The following GPSM3 variants were observed in gnomAD, a reference collection of about 807,000 sequenced individuals.
GPSM3 encodes G protein signaling modulator 3.
In GPSM3, 16 loss-of-function variants were observed where a neutral mutation model predicts 20.4. The ratio of observed to expected loss-of-function variants is 0.78; its 90% CI spans 0.53 to 1.19. The LOEUF (loss-of-function observed/expected upper bound fraction) is 1.19, where lower values mean the gene tolerates loss of function less well. Among genes scored for constraint, GPSM3 ranks in the 50% most tolerant of loss-of-function variants. GPSM3 has a pLI of 0.00. For synonymous variants in GPSM3, 70 were observed against 79.6 expected (o/e 0.88, Z 0.64); for missense variants, 177 against 204.6 (o/e 0.86, Z 0.82).
upstream of GPSM3, chr6:32,192,762 T>C (rs2127454965): frequency 2.5e-6 from 1 of 402,894 alleles, no homozygotes; most frequent in Admixed American, 4.3e-5. This position sits in a 1 kb window ranked among gnomAD's most constrained non-coding sequence, Gnocchi z 5.1. Context: ...AGGGCAGCAC[T>C]GAGACTGGGA....
At position 32,191,498 on chromosome 6, in the gene GPSM3, C is replaced by T. The variant is rs766900301; in HGVS notation, c.351G>A (p.Gln117=). 2.0e-5 allele frequency: 31 copies of T among 1,559,216 alleles called. No homozygotes were observed. The highest frequency in any genetic ancestry group is 2.3e-5 in the Non-Finnish European group (26 of 1,155,018). Residue 117 remains glutamine (Q), a synonymous_variant, in exon 4 of 4, where the codon CAG becomes CAA. Transcript: ENST00000375040. The surrounding 1 kb of genome is among the most constrained non-coding windows in gnomAD (Gnocchi z 5.9). ...LYSTILSHQC[Q]RMEAQRSEPP... Reference sequence around the variant, plus strand: ...GCTCTGACCGCTGGGCTTCCATCCGCTGGCACTGGAGGAGTGGAGGGAGAG... The same window carrying T: ...GCTCTGACCGCTGGGCTTCCATCCGTTGGCACTGGAGGAGTGGAGGGAGAG...
At position 32,191,202 on chromosome 6, in the gene GPSM3, T is replaced by A; in HGVS notation, c.*164A>T. The A allele has an allele frequency of 1.2e-6, 1 of 850,268 alleles. No individual in the cohort carries two copies. Among genetic ancestry groups the A allele is most frequent in the Non-Finnish European group, 1.7e-6 (1 of 575,398 alleles). The allele number at this position is 850,268 out of a possible 1,614,324, so 52.7% of individuals were successfully genotyped here. ...GCCTGTTCCCAGAGTTTGAGGACTTTCACCCTGTCCAGTTCCCAGGGAAGG... is the reference window on the plus strand; with the variant it reads ...GCCTGTTCCCAGAGTTTGAGGACTTACACCCTGTCCAGTTCCCAGGGAAGG... On this transcript the variant is annotated 3_prime_UTR_variant, in exon 4 of 4. Transcript: ENST00000375040. This position sits in a 1 kb window ranked among gnomAD's most constrained non-coding sequence, Gnocchi z 5.9.
upstream of GPSM3, chr6:32,195,388 C>G: frequency 6.6e-7 from 1 of 1,513,336 alleles, no homozygotes; most frequent in South Asian, 1.3e-5. The surrounding 1 kb of genome is among the most constrained non-coding windows in gnomAD (Gnocchi z 5.4). Flanking sequence ...TTCCAGCCTG[C>G]CTTTTAATGG....
chr6:32,194,044 C>T (rs1207885637), upstream of GPSM3, among the ~76,000 whole-genome samples: 1 of 152,216 alleles, frequency 6.6e-6, no homozygotes, highest in Non-Finnish European at 1.5e-5. The surrounding 1 kb of genome is among the most constrained non-coding windows in gnomAD (Gnocchi z 4.5). Flanking sequence ...ATAGCACCTA[C>T]TTCATAGGGT....
At chr6:32,193,574 C>T (rs961688635), upstream of GPSM3, among the ~76,000 whole-genome samples, 2 of 151,996 alleles carry the variant, frequency 1.3e-5, no homozygotes, top group African/African-American at 4.8e-5. The surrounding 1 kb of genome is among the most constrained non-coding windows in gnomAD (Gnocchi z 4.7). Flanking sequence ...GGGAAGGGTT[C>T]ATTTTGGAAA....
rs1396588955 is a variant in GPSM3, at chr6:32,191,319, C to G, written c.*47G>C. ...GAGTTGAGGGCATGCAATGGGCTGC[C>G]CAGCTTTGAGACCAGTGGCAAGGAA... is the stretch of plus-strand genomic sequence containing the variant. On this transcript the variant is annotated 3_prime_UTR_variant, in exon 4 of 4. Coordinates refer to ENST00000375040, the MANE Select transcript of GPSM3 (RefSeq NM_001276501.2). The surrounding 1 kb of genome is among the most constrained non-coding windows in gnomAD (Gnocchi z 5.9). The G allele has an allele frequency of 6.4e-7, 1 of 1,559,544 alleles. No homozygotes were observed. The highest frequency in any genetic ancestry group is 8.6e-7 in the Non-Finnish European group (1 of 1,160,362).
upstream of GPSM3, chr6:32,195,307 A>G (rs759565461): frequency 1.3e-5 from 11 of 855,510 alleles, no homozygotes; most frequent in Non-Finnish European, 1.9e-5. This position sits in a 1 kb window ranked among gnomAD's most constrained non-coding sequence, Gnocchi z 5.4. Context: ...GTGGGCATAC[A>G]TTCATTTTAG....
At chr6:32,195,505 G>C (rs577160458), upstream of GPSM3, 1 of 1,613,012 alleles carries the variant, frequency 6.2e-7, no homozygotes, top group South Asian at 1.1e-5. This position sits in a 1 kb window ranked among gnomAD's most constrained non-coding sequence, Gnocchi z 5.4. Context: ...CAGTCAAGTT[G>C]AGGTGATCCC....
upstream of GPSM3, chr6:32,195,482 GGC>G: frequency 1.2e-6 from 2 of 1,612,274 alleles, no homozygotes; most frequent in South Asian, 2.2e-5. The surrounding 1 kb of genome is among the most constrained non-coding windows in gnomAD (Gnocchi z 5.4). Flanking sequence ...TTTCTTGGAG[GGC>G]TGGGGGACCA....
chr6:32,192,150 G>A lies in GPSM3; in HGVS notation c.143C>T (p.Thr48Ile), dbSNP rs1210392518. Residue 48 changes from threonine (T) to isoleucine (I), a missense_variant and splice_region_variant, in exon 2 of 4, where the codon ACA becomes ATA. Coordinates refer to ENST00000375040, the MANE Select transcript of GPSM3 (RefSeq NM_001276501.2). This position sits in a 1 kb window ranked among gnomAD's most constrained non-coding sequence, Gnocchi z 5.1. ...PSPPPPGTRH[T>I]ALGPRSASLL... ...TCTCCCTGGGTGGGTAGGGGTACCT[G>A]TGTGGCGGGTCCCTGGAGGAGGAGG... is the stretch of plus-strand genomic sequence containing the variant. 1.3e-6 allele frequency: 2 copies of A among 1,509,960 alleles called. No individual in the cohort carries two copies. The highest frequency in any genetic ancestry group is 2.7e-5 in the South Asian group (2 of 74,288). The allele number at this position is 1,509,960 out of a possible 1,614,324, so 93.5% of individuals were successfully genotyped here.
chr6:32,192,056 G>A lies in GPSM3; in HGVS notation c.145+92C>T. The A allele has an allele frequency of 7.9e-7, 1 of 1,264,254 alleles. No individual in the cohort carries two copies. Among genetic ancestry groups the A allele is most frequent in the South Asian group, 1.4e-5 (1 of 72,928 alleles). The allele number at this position is 1,264,254 out of a possible 1,614,324, so 78.3% of individuals were successfully genotyped here. A position where few individuals can be genotyped will look rare whatever the true frequency, so the allele number is the denominator to read the frequency against. On this transcript the variant is annotated intron_variant, in intron 2 of 3. Transcript: ENST00000375040. This position sits in a 1 kb window ranked among gnomAD's most constrained non-coding sequence, Gnocchi z 5.1. ...GAATCCCAAGGGGAGTCTGGAGGAG[G>A]TGGGGAGAGGGCCCACAATGGAGTG...
Position 32,191,211 on chromosome 6 carries a change from C to T in GPSM3, c.*155G>A. On this transcript the variant is annotated 3_prime_UTR_variant, in exon 4 of 4. Transcript: ENST00000375040. This position sits in a 1 kb window ranked among gnomAD's most constrained non-coding sequence, Gnocchi z 5.9. ...CAGAGTTTGAGGACTTTCACCCTGT[C>T]CAGTTCCCAGGGAAGGTGATGTGGG... 1.1e-6 allele frequency: 1 copy of T among 922,448 alleles called. No individual in the cohort carries two copies. Among genetic ancestry groups the T allele is most frequent in the South Asian group, 1.9e-5 (1 of 51,508 alleles). 57.1% of individuals were successfully genotyped at this position (922,448 alleles called of 1,614,324 possible).
Position 32,191,114 on chromosome 6 carries a change from C to T in GPSM3, c.*252G>A. 1 of 452,440 alleles carries T rather than the reference C, an allele frequency of 2.2e-6. No individual in the cohort carries two copies. The highest frequency in any genetic ancestry group is 3.9e-6 in the Non-Finnish European group (1 of 259,298). The allele number at this position is 452,440 out of a possible 1,614,324, so 28.0% of individuals were successfully genotyped here. A position where few individuals can be genotyped will look rare whatever the true frequency, so the allele number is the denominator to read the frequency against. On this transcript the variant is annotated 3_prime_UTR_variant, in exon 4 of 4. Transcript: ENST00000375040. The surrounding 1 kb of genome is among the most constrained non-coding windows in gnomAD (Gnocchi z 5.9). ...ACTCCTTGAGATGGGTGCCTGGGATCCCCCTTACTGCCTCAAGCTCCCATG... is the reference window on the plus strand; with the variant it reads ...ACTCCTTGAGATGGGTGCCTGGGATTCCCCTTACTGCCTCAAGCTCCCATG...
Position 32,191,743 on chromosome 6 carries a change from C to T in GPSM3, c.311G>A (p.Arg104Lys), listed in dbSNP as rs1252306868. Residue 104 changes from arginine to lysine, a missense_variant, in exon 3 of 4, where the codon AGA (arginine) becomes AAA (lysine). Coordinates refer to ENST00000375040, the MANE Select transcript of GPSM3 (RefSeq NM_001276501.2). This position sits in a 1 kb window ranked among gnomAD's most constrained non-coding sequence, Gnocchi z 5.9. ...GAGGATAGTGCTGTAAAGCTGTTCT[C>T]TGTCCTCGAGAGGACGGAGTGGGGC... ...APAPLRPLED[R>K]EQLYSTILSH... The T allele has an allele frequency of 4.3e-6, 7 of 1,612,464 alleles. No individual in the cohort carries two copies. Among genetic ancestry groups the T allele is most frequent in the Non-Finnish European group, 5.1e-6 (6 of 1,179,734 alleles).
chr6:32,191,256 T>C lies in GPSM3; in HGVS notation c.*110A>G. On this transcript the variant is annotated 3_prime_UTR_variant, in exon 4 of 4. Transcript: ENST00000375040. The surrounding 1 kb of genome is among the most constrained non-coding windows in gnomAD (Gnocchi z 5.9). ...TGTGGGAGATGAATATTGAGATTTG[T>C]GCCGTGTCTTTCAGTCTCTGGTACC... 7.8e-7 allele frequency: 1 copy of C among 1,277,834 alleles called. No individual in the cohort carries two copies. The highest frequency in any genetic ancestry group is 1.1e-6 in the Non-Finnish European group (1 of 933,042). 79.2% of individuals were successfully genotyped at this position (1,277,834 alleles called of 1,614,324 possible).
At chr6:32,195,134 A>G (rs959827872), upstream of GPSM3, 2 of 436,108 alleles carry the variant, frequency 4.6e-6, no homozygotes, top group Non-Finnish European at 8.1e-6. This position sits in a 1 kb window ranked among gnomAD's most constrained non-coding sequence, Gnocchi z 5.4. Context: ...CTTACATCCC[A>G]TATGCCTGCA....
In GPSM3 at chr6:32,192,117, G is replaced by A. The variant is rs1787568941; in HGVS notation, c.145+31C>T. 3 of 1,482,092 alleles carry A rather than the reference G, an allele frequency of 2.0e-6. No homozygotes were observed. The highest frequency in any genetic ancestry group is 2.3e-5 in the East Asian group (1 of 43,626). 91.8% of individuals were successfully genotyped at this position (1,482,092 alleles called of 1,614,324 possible). A position where few individuals can be genotyped will look rare whatever the true frequency, so the allele number is the denominator to read the frequency against. On this transcript the variant is annotated intron_variant, in intron 2 of 3. Coordinates refer to ENST00000375040, the MANE Select transcript of GPSM3 (RefSeq NM_001276501.2). This position sits in a 1 kb window ranked among gnomAD's most constrained non-coding sequence, Gnocchi z 5.1. The stretch of plus-strand genomic sequence containing the variant: ...ATGGGGTCAGGATGTGGGCACTAGG[G>A]TCGGGGCTCTCCCTGGGTGGGTAGG...
In GPSM3 at chr6:32,191,677, G is replaced by A. The variant is rs1289618186; in HGVS notation, c.345+32C>T. On this transcript the variant is annotated intron_variant, in intron 3 of 3. Coordinates refer to ENST00000375040, the MANE Select transcript of GPSM3 (RefSeq NM_001276501.2). The surrounding 1 kb of genome is among the most constrained non-coding windows in gnomAD (Gnocchi z 5.9). The stretch of plus-strand genomic sequence containing the variant: ...AGAACAGGGGCCAAGAGACCAGGAG[G>A]CCTGGGTTTGCCTCCTGGGGGGATG... The A allele has an allele frequency of 6.4e-7, 1 of 1,551,906 alleles. No homozygotes were observed. The highest frequency in any genetic ancestry group is 8.8e-7 in the Non-Finnish European group (1 of 1,138,940).
Position 32,192,336 on chromosome 6 carries a change from CCT to C in GPSM3, c.43-88_43-87del, listed in dbSNP as rs971152895. 7.4e-7 allele frequency: 1 copy of C among 1,348,908 alleles called. No individual in the cohort carries two copies. Among genetic ancestry groups the C allele is most frequent in the African/African-American group, 1.4e-5 (1 of 69,148 alleles). The allele number at this position is 1,348,908 out of a possible 1,614,324, so 83.6% of individuals were successfully genotyped here. ...AGGGGGCTAGGCCAGTGGCCCGTTT[CCT>C]CTCTGTGTGTCTCTGTTCCTGCCTC... On this transcript the variant is annotated intron_variant, in intron 1 of 3. Coordinates refer to ENST00000375040, the MANE Select transcript of GPSM3 (RefSeq NM_001276501.2). The surrounding 1 kb of genome is among the most constrained non-coding windows in gnomAD (Gnocchi z 5.1).
Sources: allele counts gnomAD v4.1 joint callset (sites outside exome capture counted in the v4.1 genomes callset), GRCh38; gene constraint gnomAD v4.1.1; non-coding constraint Gnocchi (gnomAD v3.1); transcripts MANE v1.5; gene names NCBI Gene and HGNC (gene_info 2026-07-23, HGNC 2026-07-21).